Variants in EPHA3 observed in about 807,000 individuals in gnomAD.
EPHA3 encodes ephrin type-A receptor 3.
In EPHA3, 42 loss-of-function variants were observed where a neutral mutation model predicts 107.1. The ratio of observed to expected loss-of-function variants is 0.39; its 90% CI spans 0.31 to 0.51. The LOEUF (loss-of-function observed/expected upper bound fraction) is 0.51. Among genes scored for constraint, EPHA3 ranks in the 20% least tolerant of loss-of-function variants. The pLI is 0.78. For synonymous variants in EPHA3, 461 were observed against 424.8 expected, an observed-to-expected ratio of 1.09 and a Z score of -1.05; for missense variants, 1,183 against 1,211.2, an observed-to-expected ratio of 0.98 and a Z score of 0.35.
intron 15 of EPHA3, among the ~76,000 whole-genome samples, chr3:89,457,261 G>C (rs1710116308): frequency 6.6e-6 from 1 of 152,124 alleles, no homozygotes; most frequent in Admixed American, 6.5e-5. Flanking sequence ...AGGAAATTAT[G>C]GGGAAAAAGC....
chr3:89,147,304 A>G (rs1408940438), intron 2 of EPHA3, among the ~76,000 whole-genome samples: 1 of 151,836 alleles, frequency 6.6e-6, no homozygotes, highest in East Asian at 1.9e-4. Context: ...TACCTATGTA[A>G]CAAACCTGCA....
intron 15 of EPHA3, among the ~76,000 whole-genome samples, chr3:89,460,398 A>G (rs1710199409): frequency 6.6e-6 from 1 of 152,228 alleles, no homozygotes; most frequent in African/African-American, 2.4e-5. Flanking sequence ...ATTTAGAACA[A>G]GGTTCTGCAG....
chr3:89,445,582 G>A (rs1576382264), intron 13 of EPHA3, among the ~76,000 whole-genome samples: 1 of 152,078 alleles, frequency 6.6e-6, no homozygotes, highest in East Asian at 1.9e-4. Context: ...CTGATTGAAT[G>A]CCACTTAATT....
intron 13 of EPHA3, among the ~76,000 whole-genome samples, chr3:89,435,103 T>C (rs1333339518): frequency 6.6e-6 from 1 of 151,992 alleles, no homozygotes; most frequent in African/African-American, 2.4e-5. Context: ...AAAACAAATA[T>C]ACCAAACAGC....
intron 3 of EPHA3, among the ~76,000 whole-genome samples, chr3:89,273,296 G>T (rs1461821584): frequency 1.3e-5 from 2 of 151,836 alleles, no homozygotes; most frequent in Non-Finnish European, 2.9e-5. Context: ...ACCTTAAAAG[G>T]CAGTAGGAAT....
chr3:89,141,918 T>C (rs779390744), intron 2 of EPHA3, among the ~76,000 whole-genome samples: 28 of 151,414 alleles, frequency 1.8e-4, no homozygotes, highest in Non-Finnish European at 4.0e-4. Context: ...ATTTAGAAGA[T>C]AGGAAATTTT....
intron 3 of EPHA3, among the ~76,000 whole-genome samples, chr3:89,295,988 T>C (rs1042636940): frequency 7.2e-5 from 11 of 152,324 alleles, no homozygotes; most frequent in African/African-American, 2.2e-4. Flanking sequence ...AAGCAACTCC[T>C]CATCCACTGA....
intron 3 of EPHA3, among the ~76,000 whole-genome samples, chr3:89,230,365 T>C (rs1704600528): frequency 6.6e-6 from 1 of 152,148 alleles, no homozygotes; most frequent in South Asian, 2.1e-4. Flanking sequence ...GAATTTTTGT[T>C]GGAATGTATT....
chr3:89,237,814 C>A (rs1199266873), intron 3 of EPHA3, among the ~76,000 whole-genome samples: 3 of 151,800 alleles, frequency 2.0e-5, no homozygotes, highest in Non-Finnish European at 4.4e-5. Context: ...AAAAATAAAA[C>A]AAAATTTAAA....
intron 3 of EPHA3, among the ~76,000 whole-genome samples, chr3:89,316,855 A>G (rs1706919486): frequency 6.6e-6 from 1 of 151,686 alleles, no homozygotes; most frequent in Admixed American, 6.6e-5. Flanking sequence ...CCTCCTTTGT[A>G]TCAGACACTT....
At chr3:89,128,685 T>G (rs1222362458) in intron 2 of EPHA3, among the ~76,000 whole-genome samples, 1 of 149,730 alleles carries the variant, frequency 6.7e-6, no homozygotes, top group African/African-American at 2.4e-5. Context: ...CTATATACTA[T>G]ATATACTATA....
chr3:89,466,929 G>A (rs998568611), intron 15 of EPHA3, among the ~76,000 whole-genome samples: 1 of 151,888 alleles, frequency 6.6e-6, no homozygotes, highest in Admixed American at 6.6e-5. Context: ...CAGGTGTAAC[G>A]GCTATAACTT....
At chr3:89,260,029 T>C (rs1161810691) in intron 3 of EPHA3, among the ~76,000 whole-genome samples, 3 of 152,258 alleles carry the variant, frequency 2.0e-5, no homozygotes, top group Non-Finnish European at 4.4e-5. Context: ...TGTTCCTGCC[T>C]CTGGATGTGT....
At chr3:89,307,066 T>G (rs971501388) in intron 3 of EPHA3, among the ~76,000 whole-genome samples, 1 of 152,200 alleles carries the variant, frequency 6.6e-6, no homozygotes, top group Non-Finnish European at 1.5e-5. Flanking sequence ...ATATAAGTTA[T>G]TACTTTTTGC....
At chr3:89,179,619 C>T (rs1445463185) in intron 2 of EPHA3, among the ~76,000 whole-genome samples, 1 of 150,764 alleles carries the variant, frequency 6.6e-6, no homozygotes, top group African/African-American at 2.4e-5. Flanking sequence ...GCCTTTGAGC[C>T]CAATGCTAAG....
At chr3:89,182,983 A>G (rs545139007) in intron 2 of EPHA3, among the ~76,000 whole-genome samples, 44 of 152,088 alleles carry the variant, frequency 2.9e-4, no homozygotes, top group African/African-American at 1.0e-3. Flanking sequence ...CAGACATTGA[A>G]ACTTGTCAGA....
At chr3:89,371,392 C>T (rs2107471664) in intron 5 of EPHA3, among the ~76,000 whole-genome samples, 1 of 151,692 alleles carries the variant, frequency 6.6e-6, no homozygotes, top group Non-Finnish European at 1.5e-5. Context: ...CATTTTGGTA[C>T]CTATTGTGCA....
intron 5 of EPHA3, among the ~76,000 whole-genome samples, chr3:89,389,616 C>G (rs1477325286): frequency 1.3e-5 from 2 of 152,188 alleles, no homozygotes; most frequent in African/African-American, 4.8e-5. Flanking sequence ...GAAGTTTTCA[C>G]TTCCTGATTT....
chr3:89,469,973 A>C (rs1710367995), intron 15 of EPHA3, among the ~76,000 whole-genome samples: 1 of 152,094 alleles, frequency 6.6e-6, no homozygotes, highest in South Asian at 2.1e-4. Context: ...TCTAGTTTTA[A>C]TACTCCTAAT....
Sources: allele counts gnomAD v4.1 joint callset (sites outside exome capture counted in the v4.1 genomes callset), GRCh38; gene constraint gnomAD v4.1.1; transcripts MANE v1.5; gene names NCBI Gene and HGNC (gene_info 2026-07-23, HGNC 2026-07-21).